Variants in TMEM41B observed in about 807,000 individuals in gnomAD.
TMEM41B encodes the protein transmembrane protein 41B.
A neutral mutation model predicts 31.9 loss-of-function variants in TMEM41B; 18 were observed. That is an observed-to-expected ratio of 0.56 (90% CI 0.39 to 0.84). The LOEUF is 0.84. TMEM41B is among the 40% of genes least tolerant of loss of function. TMEM41B has a pLI of 0.00. For synonymous variants in TMEM41B, 144 were observed against 124.3 expected, an observed-to-expected ratio of 1.16 and a Z score of -1.05; for missense variants, 322 against 348.0, an observed-to-expected ratio of 0.93 and a Z score of 0.59.
intron 3 of TMEM41B, 28 bp downstream of exon 3, chr11:9,295,231 G>T: frequency 6.7e-7 from 1 of 1,486,058 alleles, no homozygotes; most frequent in South Asian, 1.3e-5. Flanking sequence ...AACAAAATTA[G>T]AAAACATTTT....
chr11:9,296,603 C>CA (rs1164835040), intron 2 of TMEM41B, among the ~76,000 whole-genome samples: 12,839 of 118,530 alleles, frequency 0.11, 1,070 homozygotes, highest in African/African-American at 0.22. Context: ...GACTCCGTCT[C>CA]AAAAAAAAAA....
intron 3 of TMEM41B, among the ~76,000 whole-genome samples, chr11:9,290,665 A>G (rs775208059): frequency 6.6e-6 from 1 of 152,174 alleles, no homozygotes; most frequent in Non-Finnish European, 1.5e-5. Context: ...ACAAGTTCCC[A>G]GGAAGTGTTT....
At chr11:9,311,617 T>C (rs541714758) in intron 1 of TMEM41B, 17 of 963,288 alleles carry the variant, frequency 1.8e-5, no homozygotes, top group South Asian at 1.5e-4. Context: ...TGGGCAGGAT[T>C]GGAACCTCCA....
intron 6 of TMEM41B, among the ~76,000 whole-genome samples, 157 bp from the exon 7 acceptor site, chr11:9,283,750 G>A (rs377156568): frequency 1.3e-5 from 2 of 151,396 alleles, no homozygotes; most frequent in African/African-American, 4.8e-5. Context: ...TCCATATAAA[G>A]AATTCAATCT....
In TMEM41B at chr11:9,294,488, C is replaced by CA. The variant is rs61211297; in HGVS notation, c.368+770dup. On this transcript the variant is annotated intron_variant, in intron 3 of 6. Transcript: ENST00000528080. Reference sequence around the variant, plus strand: ...GTGTAACAAGAGCAAAACTCCATCTCAAAAAAAAAAAAAAAAAGTTGGTTT... The same window carrying CA: ...GTGTAACAAGAGCAAAACTCCATCTCAAAAAAAAAAAAAAAAAAGTTGGTTT... 5.6e-3 allele frequency among the ~76,000 whole-genome samples: 494 copies of CA among 88,244 alleles called. 3 individuals are homozygous for CA. The highest frequency in any genetic ancestry group is 0.018 in the African/African-American group (372 of 20,582). The allele number at this position is 88,244 out of a possible 152,430, so 57.9% of individuals were successfully genotyped here. A position where few individuals can be genotyped will look rare whatever the true frequency, so the allele number is the denominator to read the frequency against.
chr11:9,283,705 G>A, intron 6 of TMEM41B, 112 bp from the exon 7 acceptor site: 2 of 899,766 alleles, frequency 2.2e-6, no homozygotes, highest in Admixed American at 3.5e-5. Flanking sequence ...TTCCATTTTG[G>A]AAAAAAAATT....
rs980823309 is a variant in TMEM41B at position 9,303,063 on chromosome 11, C to T, written c.122-3362G>A. The stretch of plus-strand genomic sequence containing the variant: ...AAGGAGTCTCGCTCTGTTGCCCAGG[C>T]TGGACTGCAGTGGCACGATCTCGGC... On this transcript the variant is annotated intron_variant, in intron 1 of 6. Transcript: ENST00000528080. Among the ~76,000 whole-genome samples the T allele has an allele frequency of 6.3e-5, 7 of 111,578 alleles. 2 individuals carry two copies. Among genetic ancestry groups the T allele is most frequent in the Non-Finnish European group, 1.4e-4 (7 of 51,826 alleles). 73.2% of individuals were successfully genotyped at this position (111,578 alleles called of 152,430 possible).
intron 1 of TMEM41B, 31 bp from the exon 2 acceptor site, chr11:9,299,732 A>G (rs759334827): frequency 2.8e-6 from 4 of 1,440,076 alleles, no homozygotes; most frequent in East Asian, 2.3e-5. Flanking sequence ...TAATTAAGAT[A>G]AATATAAAGG....
At chr11:9,309,333 T>G (rs1425303480) in intron 1 of TMEM41B, among the ~76,000 whole-genome samples, 2 of 151,954 alleles carry the variant, frequency 1.3e-5, no homozygotes, top group Admixed American at 1.3e-4. Context: ...ACTCATTACT[T>G]GATTTACTTA....
At chr11:9,295,520 G>C (rs1853064084) in intron 2 of TMEM41B, 133 bp from the exon 3 acceptor site, 1 of 597,412 alleles carries the variant, frequency 1.7e-6, no homozygotes, top group Non-Finnish European at 2.9e-6. Flanking sequence ...CAATGTTTAA[G>C]TTTAAAAGTT....
intron 1 of TMEM41B, chr11:9,311,134 T>C (rs1378494044): frequency 2.2e-6 from 2 of 902,366 alleles, no homozygotes; most frequent in Middle Eastern, 4.2e-4. Context: ...CCCTAGCCAC[T>C]CAGGGCTCAA....
At chr11:9,311,361 T>C in intron 1 of TMEM41B, 1 of 1,490,784 alleles carries the variant, frequency 6.7e-7, no homozygotes, top group Non-Finnish European at 9.3e-7. Context: ...CATTTTCTTC[T>C]GTATCTTCTT....
At chr11:9,304,802 C>A (rs567945485) in intron 1 of TMEM41B, among the ~76,000 whole-genome samples, 1 of 152,120 alleles carries the variant, frequency 6.6e-6, no homozygotes, top group South Asian at 2.1e-4. Context: ...GGACTACAGG[C>A]ACACGCCACC....
intron 3 of TMEM41B, among the ~76,000 whole-genome samples, chr11:9,292,794 C>T (rs754692573): frequency 6.6e-6 from 1 of 152,050 alleles, no homozygotes; most frequent in East Asian, 1.9e-4. Flanking sequence ...CCACCACACC[C>T]GGCCCTGATA....
Position 9,288,506 on chromosome 11 carries a change from A to G in TMEM41B, c.398T>C (p.Ile133Thr). Residue 133 changes from isoleucine (I) to threonine (T), a missense_variant, in exon 4 of 7, where the codon ATA (isoleucine) becomes ACA (threonine). By Grantham distance (89) the Ile-to-Thr change is moderately conservative. This residue lies in a region of TMEM41B where 183 missense variants were observed against 175.3 expected (regional missense o/e 1.04). Transcript: ENST00000528080. ...FLQTFAIPGS[I>T]FLSILSGFLY... ...AAACCCTGAGAGTATACTGAGAAAT[A>G]TAGAGCCTGGAATAGCAAATGTTTG... is the stretch of plus-strand genomic sequence containing the variant. The G allele has an allele frequency of 6.3e-7, 1 of 1,594,082 alleles. No individual in the cohort carries two copies. The highest frequency in any genetic ancestry group is 8.5e-7 in the Non-Finnish European group (1 of 1,172,432).
rs1266547214 is a variant in TMEM41B at position 9,287,745 on chromosome 11, A to G, written c.524T>C (p.Val175Ala). The change falls in exon 5 of 7, where the codon GTA becomes GCA. Residue 175 changes from valine (V) to alanine (A), a missense_variant. Physicochemically the swap from Val to Ala is moderately conservative, Grantham distance 64. This residue lies in a region of TMEM41B where 47 missense variants were observed against 84.8 expected (regional missense o/e 0.55). Coordinates refer to ENST00000528080, the MANE Select transcript of TMEM41B (RefSeq NM_015012.4). ...TGCTTTCTCTGTTAGGTATTTGTATACAACTGGTCTCCCAACTAAATAGGA... is the reference window on the plus strand; with the variant it reads ...TGCTTTCTCTGTTAGGTATTTGTATGCAACTGGTCTCCCAACTAAATAGGA... ...MLSYLVGRPV[V>A]YKYLTEKAVK... The G allele has an allele frequency of 6.2e-7, 1 of 1,613,500 alleles. No individual in the cohort carries two copies. Among genetic ancestry groups the G allele is most frequent in the Non-Finnish European group, 8.5e-7 (1 of 1,179,860 alleles).
chr11:9,310,062 G>A (rs1013006218), intron 1 of TMEM41B, among the ~76,000 whole-genome samples: 1 of 147,934 alleles, frequency 6.8e-6, no homozygotes, highest in African/African-American at 2.5e-5. Flanking sequence ...TTGAGATGGA[G>A]TCTCACTCTA....
intron 6 of TMEM41B, among the ~76,000 whole-genome samples, chr11:9,285,052 A>G (rs117204895): frequency 0.063 from 8,794 of 140,298 alleles, 334 homozygotes; most frequent in South Asian, 0.11. Flanking sequence ...AAGTTTGTCC[A>G]TTTTTTTTTC....
At chr11:9,286,988 G>A (rs774286469) in intron 5 of TMEM41B, among the ~76,000 whole-genome samples, 64 of 149,624 alleles carry the variant, frequency 4.3e-4, no homozygotes, top group Non-Finnish European at 8.0e-4. Flanking sequence ...CAACAAGAGC[G>A]AAACTCTGAC....
Sources: gnomAD v4.1 joint callset for allele counts (sites outside exome capture counted in the v4.1 genomes callset) on GRCh38, gnomAD v4.1.1 for gene constraint, gnomAD v4.1.1 regional missense constraint, MANE v1.5 for transcripts, NCBI Gene and HGNC (gene_info 2026-07-23, HGNC 2026-07-21) for gene names.